PHF13: variants seen among roughly 807,000 people sequenced by gnomAD.
PHF13 encodes the protein PHD zinc finger protein PHF5.
PHF13 carries 1 observed loss-of-function variant against 25.8 expected under a neutral mutation model. The ratio of observed to expected loss-of-function variants is 0.04; its 90% confidence interval spans 0.01 to 0.18. The LOEUF is 0.18. Ranked by LOEUF, PHF13 falls within the 10% of genes least tolerant of loss-of-function variation. The pLI is 1.00. For synonymous variants in PHF13, 195 were observed against 162.4 expected, an observed-to-expected ratio of 1.20 and a Z score of -1.53; for missense variants, 306 against 403.2, an observed-to-expected ratio of 0.76 and a Z score of 2.06.
At position 6,621,827 on chromosome 1, in the gene PHF13, C is replaced by T. The variant is rs984037574; in HGVS notation, c.*190C>T. 1.6e-6 allele frequency: 1 copy of T among 632,270 alleles called. No individual in the cohort carries two copies. Among genetic ancestry groups the T allele is most frequent in the Non-Finnish European group, 2.8e-6 (1 of 363,440 alleles). The allele number at this position is 632,270 out of a possible 1,614,324, so 39.2% of individuals were successfully genotyped here. A position where few individuals can be genotyped will look rare whatever the true frequency, so the allele number is the denominator to read the frequency against. ...AGCCGGTGACCGAATGCGACCTTTGCCAGCCAGAGCTGCTGCCAGAGCTGC... is the reference window on the plus strand; with the variant it reads ...AGCCGGTGACCGAATGCGACCTTTGTCAGCCAGAGCTGCTGCCAGAGCTGC... On this transcript the variant is annotated 3_prime_UTR_variant, in exon 4 of 4. Transcript: ENST00000377648. The surrounding 1 kb of genome is among the most constrained non-coding windows in gnomAD (Gnocchi z 4.8).
rs2148708219 is a variant in PHF13 at position 6,613,927 on chromosome 1, C to T, written c.-140C>T. On this transcript the variant is annotated 5_prime_UTR_variant, in exon 1 of 4. Coordinates refer to ENST00000377648, the MANE Select transcript of PHF13 (RefSeq NM_153812.3). ...GCTTGAGAAGCGACGCGCTGAGCCC[C>T]CCATCACCTCCAGCCCGGGCGACCC... 6 of 562,712 alleles carry T rather than the reference C, an allele frequency of 1.1e-5. No homozygotes were observed. Among genetic ancestry groups the T allele is most frequent in the South Asian group, 4.4e-5 (2 of 45,506 alleles). The allele number at this position is 562,712 out of a possible 1,614,324, so 34.9% of individuals were successfully genotyped here.
chr1:6,617,628 C>T (rs531700752), intron 2 of PHF13, among the ~76,000 whole-genome samples: 21 of 151,832 alleles, frequency 1.4e-4, no homozygotes, highest in African/African-American at 4.4e-4. Context: ...GGGGTTTCAC[C>T]GTGTTGTCGA....
At position 6,620,300 on chromosome 1, in the gene PHF13, C is replaced by T. The variant is rs377745366; in HGVS notation, c.639C>T (p.Asp213=). 2.5e-6 allele frequency: 4 copies of T among 1,613,420 alleles called. No individual in the cohort carries two copies. The highest frequency in any genetic ancestry group is 2.2e-5 in the South Asian group (2 of 90,972). The change falls in exon 3 of 4, where the codon GAC becomes GAT. Residue 213 remains aspartate, a synonymous_variant. Transcript: ENST00000377648. ...QGKQVVFRDE[D]STGNDEDIMV... is the part of the protein sequence containing the mutation. ...AGCAGGTGGTGTTCCGAGATGAGGA[C>T]AGCACTGGCAATGATGAGGACATCA...
intron 1 of PHF13, chr1:6,614,702 C>A (rs1258774872): frequency 6.7e-6 from 1 of 149,696 alleles, no homozygotes; most frequent in Non-Finnish European, 1.5e-5. Flanking sequence ...CCGAGTCCTG[C>A]CCCCACCCAC....
chr1:6,614,854 C>T (rs926006446), intron 1 of PHF13, among the ~76,000 whole-genome samples: 5 of 151,530 alleles, frequency 3.3e-5, no homozygotes, highest in Non-Finnish European at 1.5e-5. Context: ...GTCCCCTCCC[C>T]CCAGCCGAGG....
At chr1:6,618,027 T>C (rs1641286484) in intron 2 of PHF13, among the ~76,000 whole-genome samples, 1 of 152,160 alleles carries the variant, frequency 6.6e-6, no homozygotes, top group African/African-American at 2.4e-5. Flanking sequence ...TTGATGTAGA[T>C]GAAGGAGGTT....
Position 6,614,310 on chromosome 1 carries a change from T to C in PHF13, c.39+205T>C, listed in dbSNP as rs530418041. 5.9e-4 allele frequency: 291 copies of C among 490,064 alleles called. 1 individual carries two copies. The African/African-American group carries it at 7.3e-3, about 12-fold the overall frequency. The allele number at this position is 490,064 out of a possible 1,614,324, so 30.4% of individuals were successfully genotyped here. A position where few individuals can be genotyped will look rare whatever the true frequency, so the allele number is the denominator to read the frequency against. On this transcript the variant is annotated intron_variant, in intron 1 of 3. Transcript: ENST00000377648. ...CGCCGGGCCTCGCCTCCGCGTCCCCTCCGCGGACCTCCGCGTCCTCCCCGC... is the reference window on the plus strand; with the variant it reads ...CGCCGGGCCTCGCCTCCGCGTCCCCCCCGCGGACCTCCGCGTCCTCCCCGC...
At chr1:6,620,955 C>T (rs1168647096) in intron 3 of PHF13, among the ~76,000 whole-genome samples, 2 of 151,766 alleles carry the variant, frequency 1.3e-5, no homozygotes, top group African/African-American at 2.4e-5. Context: ...TTACTTAAAC[C>T]CAGGAGGTGG....
intron 2 of PHF13, among the ~76,000 whole-genome samples, chr1:6,618,253 G>A (rs1641289387): frequency 6.6e-6 from 1 of 151,992 alleles, no homozygotes; most frequent in Non-Finnish European, 1.5e-5. Context: ...TCCCACCTCA[G>A]CCTTCCAAGT....
intron 2 of PHF13, among the ~76,000 whole-genome samples, chr1:6,619,432 C>T (rs1326617139): frequency 2.0e-5 from 3 of 152,038 alleles, no homozygotes; most frequent in Non-Finnish European, 2.9e-5. Context: ...ATTTGCCTCC[C>T]GGGTTCAAGC....
chr1:6,619,488 A>G (rs994163581), intron 2 of PHF13, among the ~76,000 whole-genome samples: 1 of 152,016 alleles, frequency 6.6e-6, no homozygotes, highest in Admixed American at 6.6e-5. Flanking sequence ...TACAGGCACC[A>G]CCACCACGCC....
rs1366265586 is a variant in PHF13 at position 6,621,963 on chromosome 1, G to A, written c.*326G>A. 4 of 403,052 alleles carry A rather than the reference G, an allele frequency of 9.9e-6. No individual in the cohort carries two copies. The highest frequency in any genetic ancestry group is 4.1e-5 in the African/African-American group (2 of 49,072). The allele number at this position is 403,052 out of a possible 1,614,324, so 25.0% of individuals were successfully genotyped here. A position where few individuals can be genotyped will look rare whatever the true frequency, so the allele number is the denominator to read the frequency against. ...TTGCTATCATTGCTAAGAGATTCCC[G>A]CTGATTGGGCTCAGTGCCAGCTGTT... On this transcript the variant is annotated 3_prime_UTR_variant, in exon 4 of 4. Transcript: ENST00000377648. This position sits in a 1 kb window ranked among gnomAD's most constrained non-coding sequence, Gnocchi z 4.8.
rs1570230403 is a variant in PHF13, at chr1:6,621,304, T to G, written c.677-107T>G. ...GAGAAGTGTCAGCTTCGAGTGGCAG[T>G]TGGAAGTGTTCTCGTCAGTAGAGTT... On this transcript the variant is annotated intron_variant, in intron 3 of 3. Coordinates refer to ENST00000377648, the MANE Select transcript of PHF13 (RefSeq NM_153812.3). The surrounding 1 kb of genome is among the most constrained non-coding windows in gnomAD (Gnocchi z 4.8). 1.7e-6 allele frequency: 2 copies of G among 1,168,692 alleles called. No individual in the cohort carries two copies. Among genetic ancestry groups the G allele is most frequent in the Non-Finnish European group, 1.2e-6 (1 of 805,606 alleles). The allele number at this position is 1,168,692 out of a possible 1,614,324, so 72.4% of individuals were successfully genotyped here. A position where few individuals can be genotyped will look rare whatever the true frequency, so the allele number is the denominator to read the frequency against.
chr1:6,614,190 C>A, intron 1 of PHF13, 85 bp downstream of exon 1: 1 of 1,297,220 alleles, frequency 7.7e-7, no homozygotes, highest in East Asian at 2.6e-5. Flanking sequence ...CCCGGTCGCC[C>A]GGAGCGCCGC....
intron 3 of PHF13, among the ~76,000 whole-genome samples, chr1:6,620,761 T>G (rs1441450642): frequency 3.3e-5 from 5 of 151,578 alleles, no homozygotes; most frequent in Non-Finnish European, 1.5e-5. Context: ...GGCTCATGCC[T>G]GTAATCCCAG....
rs779971563 is a variant in PHF13, at chr1:6,614,135, C to T, written c.39+30C>T. ...GTGAAGCTGTGCGTCCGAATCGCCCCCGACCACCCCCTCCGCGATCCTGCC... is the reference window on the plus strand; with the variant it reads ...GTGAAGCTGTGCGTCCGAATCGCCCTCGACCACCCCCTCCGCGATCCTGCC... On this transcript the variant is annotated intron_variant, in intron 1 of 3. Transcript: ENST00000377648. 3.8e-6 allele frequency: 6 copies of T among 1,595,296 alleles called. 1 individual carries two copies. In the South Asian group the frequency reaches 4.5e-5, roughly 12 times the overall value.
chr1:6,615,181 C>G (rs1469369364), intron 1 of PHF13, among the ~76,000 whole-genome samples: 2 of 151,798 alleles, frequency 1.3e-5, no homozygotes, highest in Non-Finnish European at 2.9e-5. Flanking sequence ...ACCCCCAGTC[C>G]CCGCGCCGGT....
At position 6,623,303 on chromosome 1, in the gene PHF13, A is replaced by G. The variant is rs1332739632; in HGVS notation, c.*1666A>G. On this transcript the variant is annotated 3_prime_UTR_variant, in exon 4 of 4. Transcript: ENST00000377648. Reference sequence around the variant, plus strand: ...TGTATTAACACGAAACTAGAGAGAAATAGTTTCTGAAGCCAGTTTATTGTG... The same window carrying G: ...TGTATTAACACGAAACTAGAGAGAAGTAGTTTCTGAAGCCAGTTTATTGTG... 1.3e-5 allele frequency: 2 copies of G among 152,650 alleles called. No homozygotes were observed. The highest frequency in any genetic ancestry group is 2.9e-5 in the Non-Finnish European group (2 of 68,058). 9.5% of individuals were successfully genotyped at this position (152,650 alleles called of 1,614,324 possible). A position where few individuals can be genotyped will look rare whatever the true frequency, so the allele number is the denominator to read the frequency against.
chr1:6,613,740 C>CCCGCCGTCCCT lies in PHF13; in HGVS notation c.-324_-323insCCGTCCCTCCG. 4.5e-6 allele frequency: 1 copy of CCCGCCGTCCCT among 220,288 alleles called. No homozygotes were observed. Among genetic ancestry groups the CCCGCCGTCCCT allele is most frequent in the South Asian group, 4.7e-5 (1 of 21,302 alleles). 13.6% of individuals were successfully genotyped at this position (220,288 alleles called of 1,614,324 possible). ...GCCTCCCGGCTCTCCCGCCCTCCCT[C>CCCGCCGTCCCT]CCGAGACACGAGCCGAACTGGGCGT... is the stretch of plus-strand genomic sequence containing the variant. On this transcript the variant is annotated 5_prime_UTR_variant, in exon 1 of 4. Transcript: ENST00000377648.
Sources: gnomAD v4.1 joint callset for allele counts (sites outside exome capture counted in the v4.1 genomes callset) on GRCh38, gnomAD v4.1.1 for gene constraint, Gnocchi (gnomAD v3.1) non-coding constraint, MANE v1.5 for transcripts, NCBI Gene and HGNC (gene_info 2026-07-23, HGNC 2026-07-21) for gene names.